The following SMCO4 variants were observed in gnomAD, a reference collection of about 807,000 sequenced individuals.
The protein encoded by SMCO4 is single-pass membrane and coiled-coil domain-containing protein 4.
SMCO4 carries 4 observed loss-of-function variants against 3.6 expected under a neutral mutation model. The observed-to-expected ratio is 1.11, with a 90% CI of 0.54 to 2.53. The LOEUF (loss-of-function observed/expected upper bound fraction) is 2.53. Among genes scored for constraint, SMCO4 ranks in the 30% most tolerant of loss-of-function variants. The pLI, the probability that SMCO4 is intolerant of heterozygous loss-of-function variation, is 0.02. For synonymous variants in SMCO4, 36 were observed against 35.3 expected, an observed-to-expected ratio of 1.02 and a Z score of -0.07; for missense variants, 70 against 80.8, an observed-to-expected ratio of 0.87 and a Z score of 0.51.
At chr11:93,519,999 A>C (rs1007690570) in intron 1 of SMCO4, among the ~76,000 whole-genome samples, 1 of 152,232 alleles carries the variant, frequency 6.6e-6, no homozygotes, top group African/African-American at 2.4e-5. Context: ...AATCAAGCAA[A>C]GAAAAGCAAA....
upstream of SMCO4, among the ~76,000 whole-genome samples, chr11:93,547,705 T>A (rs901262713): frequency 2.0e-5 from 3 of 152,172 alleles, no homozygotes; most frequent in Non-Finnish European, 4.4e-5. Context: ...AATATAAGCC[T>A]TGTGAGTCTT....
At chr11:93,486,232 T>C (rs1325233519) in intron 2 of SMCO4, among the ~76,000 whole-genome samples, 1 of 152,222 alleles carries the variant, frequency 6.6e-6, no homozygotes, top group African/African-American at 2.4e-5. Context: ...CCCAGGTGGT[T>C]AGAAAGTCAA....
At chr11:93,527,811 A>C (rs1949123437) in intron 1 of SMCO4, among the ~76,000 whole-genome samples, 1 of 152,108 alleles carries the variant, frequency 6.6e-6, no homozygotes, top group Non-Finnish European at 1.5e-5. Flanking sequence ...AAATTAGGTT[A>C]ATATTTGTTT....
intron 1 of SMCO4, among the ~76,000 whole-genome samples, chr11:93,502,910 C>T (rs1948857022): frequency 6.6e-6 from 1 of 152,172 alleles, no homozygotes; most frequent in Non-Finnish European, 1.5e-5. Flanking sequence ...CAGCCACTAA[C>T]CTGAGCTTTT....
chr11:93,516,956 C>T (rs1045490075), intron 1 of SMCO4, among the ~76,000 whole-genome samples: 2 of 152,098 alleles, frequency 1.3e-5, no homozygotes, highest in Non-Finnish European at 2.9e-5. Flanking sequence ...AGCCCTCTGC[C>T]TTCCACCTTC....
chr11:93,488,647 C>CG (rs1456859064), intron 2 of SMCO4, among the ~76,000 whole-genome samples: 2 of 151,950 alleles, frequency 1.3e-5, no homozygotes, highest in Non-Finnish European at 2.9e-5. Flanking sequence ...GGGTGTGAGG[C>CG]GGGTGGGGAC....
At chr11:93,508,212 G>A (rs1241615887) in intron 1 of SMCO4, among the ~76,000 whole-genome samples, 5 of 152,108 alleles carry the variant, frequency 3.3e-5, no homozygotes, top group Admixed American at 3.3e-4. Context: ...GTGTCGTAGC[G>A]GGCAGGTGAA....
intron 1 of SMCO4, among the ~76,000 whole-genome samples, chr11:93,508,176 A>G (rs1031582853): frequency 6.6e-6 from 1 of 152,108 alleles, no homozygotes; most frequent in African/African-American, 2.4e-5. Context: ...GGGTCCTGAA[A>G]CCAATTGTGG....
intron 1 of SMCO4, among the ~76,000 whole-genome samples, chr11:93,536,810 A>G (rs1949230048): frequency 6.6e-6 from 1 of 152,206 alleles, no homozygotes; most frequent in African/African-American, 2.4e-5. Flanking sequence ...TAAACTGATT[A>G]AAAAACCACC....
intron 1 of SMCO4, among the ~76,000 whole-genome samples, chr11:93,542,674 G>T (rs1262134472): frequency 6.6e-6 from 1 of 152,154 alleles, no homozygotes; most frequent in East Asian, 1.9e-4. Flanking sequence ...GCCTGCCCCG[G>T]GTCTCAGGGT....
At chr11:93,524,731 A>G (rs577655211) in intron 1 of SMCO4, among the ~76,000 whole-genome samples, 14 of 152,318 alleles carry the variant, frequency 9.2e-5, no homozygotes, top group East Asian at 1.9e-4. Context: ...ACTGATGATG[A>G]GGAATGGTGG....
intron 1 of SMCO4, among the ~76,000 whole-genome samples, chr11:93,530,313 A>C (rs555612822): frequency 6.6e-6 from 1 of 152,102 alleles, no homozygotes; most frequent in Non-Finnish European, 1.5e-5. Context: ...TCCTGCCACC[A>C]CAGCCTTGTC....
the SMCO4 span, among the ~76,000 whole-genome samples, chr11:93,548,966 A>T: frequency 6.6e-6 from 1 of 152,226 alleles, no homozygotes; most frequent in Non-Finnish European, 1.5e-5. Context: ...CTCTATGCGT[A>T]TGAAGAGGTT....
At chr11:93,481,587 G>A (rs1051133699) in intron 2 of SMCO4, 6 of 919,852 alleles carry the variant, frequency 6.5e-6, no homozygotes, top group East Asian at 1.2e-4. Flanking sequence ...TCCCCATCAC[G>A]GAAGGGAGGA....
At chr11:93,496,606 C>T (rs926128331) in intron 2 of SMCO4, among the ~76,000 whole-genome samples, 5 of 152,106 alleles carry the variant, frequency 3.3e-5, no homozygotes, top group Admixed American at 2.6e-4. Context: ...CTCATGGTGT[C>T]GGAGGTCCTG....
At chr11:93,551,346 TC>T in the SMCO4 span, among the ~76,000 whole-genome samples, 1 of 152,132 alleles carries the variant, frequency 6.6e-6, no homozygotes, top group African/African-American at 2.4e-5. Context: ...GTGAGGAACC[TC>T]CTGGGGACGT....
At chr11:93,479,769 C>T (rs1948570660) in intron 2 of SMCO4, among the ~76,000 whole-genome samples, 1 of 152,202 alleles carries the variant, frequency 6.6e-6, no homozygotes, top group South Asian at 2.1e-4. Context: ...CAGGCATCAA[C>T]TTCTCTCATC....
intron 1 of SMCO4, among the ~76,000 whole-genome samples, chr11:93,532,492 C>T (rs542391477): frequency 6.6e-6 from 1 of 152,236 alleles, no homozygotes; most frequent in Non-Finnish European, 1.5e-5. Flanking sequence ...AGTCCCGCTG[C>T]CAGCCTTCCT....
chr11:93,524,412 G>A (rs1472374936), intron 1 of SMCO4, among the ~76,000 whole-genome samples: 1 of 152,126 alleles, frequency 6.6e-6, no homozygotes, highest in Non-Finnish European at 1.5e-5. Flanking sequence ...GCATCTTCTC[G>A]GTTGTGTTTT....
Sources: gnomAD v4.1 joint callset for allele counts (sites outside exome capture counted in the v4.1 genomes callset) on GRCh38, gnomAD v4.1.1 for gene constraint, MANE v1.5 for transcripts, NCBI Gene and HGNC (gene_info 2026-07-23, HGNC 2026-07-21) for gene names.